RNF111: variants seen among roughly 807,000 people sequenced by gnomAD.
The protein encoded by RNF111 is ring finger protein 111.
Under a neutral mutation model 95.1 loss-of-function variants are expected in RNF111, and 17 were observed. The ratio of observed to expected loss-of-function variants is 0.18; its 90% CI spans 0.12 to 0.27. The LOEUF (loss-of-function observed/expected upper bound fraction) is 0.27. RNF111 is among the 10% of genes least tolerant of loss of function. RNF111 has a pLI of 1.00. For synonymous variants in RNF111, 440 were observed against 414.8 expected, an observed-to-expected ratio of 1.06 and a Z score of -0.74; for missense variants, 1,189 against 1,210.4, an observed-to-expected ratio of 0.98 and a Z score of 0.26.
chr15:59,044,800 T>G (rs1165766486), intron 2 of RNF111, among the ~76,000 whole-genome samples: 3 of 152,248 alleles, frequency 2.0e-5, no homozygotes, highest in African/African-American at 7.2e-5. Context: ...AGATTAACTT[T>G]ATAATTTTTG....
At chr15:59,054,770 G>C (rs149865879) in intron 3 of RNF111, among the ~76,000 whole-genome samples, 1 of 152,156 alleles carries the variant, frequency 6.6e-6, no homozygotes, top group African/African-American at 2.4e-5. Flanking sequence ...CTTCTTAGTG[G>C]TTAAGCACCC....
chr15:59,000,576 G>A (rs1272707241), intron 1 of RNF111, among the ~76,000 whole-genome samples: 1 of 151,992 alleles, frequency 6.6e-6, no homozygotes, highest in Non-Finnish European at 1.5e-5. Flanking sequence ...CAGGTATGGT[G>A]GCGGGCGCCT....
chr15:59,080,301 A>T (rs1379862944), intron 7 of RNF111, among the ~76,000 whole-genome samples: 2 of 151,728 alleles, frequency 1.3e-5, no homozygotes, highest in Non-Finnish European at 2.9e-5. Context: ...TTGTATTTTT[A>T]GTGGAGACGG....
chr15:59,026,504 C>T (rs2040618230), intron 1 of RNF111, among the ~76,000 whole-genome samples: 1 of 152,112 alleles, frequency 6.6e-6, no homozygotes, highest in Non-Finnish European at 1.5e-5. Flanking sequence ...GGAGATATAT[C>T]TTGTACGCAT....
At chr15:59,028,720 A>G (rs78935570) in intron 1 of RNF111, among the ~76,000 whole-genome samples, 22 of 150,008 alleles carry the variant, frequency 1.5e-4, no homozygotes, top group Non-Finnish European at 2.7e-4. Flanking sequence ...ATGTGTTTTC[A>G]TTTCTCTTGG....
In RNF111 at chr15:59,017,619, T is replaced by TA. The variant is rs2040128583; in HGVS notation, c.-19-13181dup. Reference sequence around the variant, plus strand: ...AAGTTCAGTTTTGGAAACAGGAAGTTAAAATAACAGAAATCTCTAAGAGTA... The same window carrying TA: ...AAGTTCAGTTTTGGAAACAGGAAGTTAAAAATAACAGAAATCTCTAAGAGTA... On this transcript the variant is annotated intron_variant, in intron 1 of 13. Transcript: ENST00000348370. Among the ~76,000 whole-genome samples, 8 of 152,202 alleles carry TA rather than the reference T, an allele frequency of 5.3e-5. No individual in the cohort carries two copies. In the South Asian group the frequency reaches 1.7e-3, roughly 31 times the overall value.
rs145414874 is a variant in RNF111 at position 59,083,935 on chromosome 15, A to G, written c.2298-194A>G. The stretch of plus-strand genomic sequence containing the variant: ...TGGAATAAATGAGCAATTAGAATTT[A>G]TGGAGAAGGTGATGGTTTCTTGATT... On this transcript the variant is annotated intron_variant, in intron 8 of 13. Transcript: ENST00000348370. 1,351 of 333,172 alleles carry G rather than the reference A, an allele frequency of 4.1e-3. 28 individuals are homozygous for G. Among genetic ancestry groups the G allele is most frequent in the East Asian group, 0.014 (246 of 17,210 alleles). 20.6% of individuals were successfully genotyped at this position (333,172 alleles called of 1,614,324 possible).
intron 6 of RNF111, among the ~76,000 whole-genome samples, chr15:59,070,721 C>T (rs1248063987): frequency 2.6e-5 from 4 of 152,282 alleles, no homozygotes; most frequent in African/African-American, 7.2e-5. Flanking sequence ...CATCACACCC[C>T]TTTCCTTTCA....
intron 12 of RNF111, among the ~76,000 whole-genome samples, chr15:59,091,830 A>G (rs985732957): frequency 5.9e-5 from 9 of 152,194 alleles, no homozygotes; most frequent in African/African-American, 1.9e-4. Context: ...ATTATCAGGC[A>G]TTAGTTAGAT....
At chr15:59,091,759 A>G (rs2079060509) in intron 12 of RNF111, among the ~76,000 whole-genome samples, 1 of 152,204 alleles carries the variant, frequency 6.6e-6, no homozygotes, top group Admixed American at 6.5e-5. Flanking sequence ...TTCATGGAAG[A>G]CAATTTTTCA....
chr15:59,092,415 A>T, intron 12 of RNF111, 122 bp from the exon 13 acceptor site: 1 of 1,038,840 alleles, frequency 9.6e-7, no homozygotes, highest in Non-Finnish European at 1.3e-6. Flanking sequence ...CTTACCTGGG[A>T]AAAAAGTGCG....
At chr15:59,024,621 C>CT (rs2040509765) in intron 1 of RNF111, among the ~76,000 whole-genome samples, 1 of 152,148 alleles carries the variant, frequency 6.6e-6, no homozygotes, top group African/African-American at 2.4e-5. Context: ...TTTTGAGTGA[C>CT]TTTACTAGCC....
In RNF111 at chr15:59,052,388, A is replaced by G. The variant is rs763738744; in HGVS notation, c.964A>G (p.Thr322Ala). 5.0e-6 allele frequency: 8 copies of G among 1,602,860 alleles called. No homozygotes were observed. Among genetic ancestry groups the G allele is most frequent in the East Asian group, 2.3e-5 (1 of 44,396 alleles). ...TANEEINVTS[T>A]DSEVEIVTVG... ...CAATGAAGAAATTAATGTTACCTCA[A>G]CTGACAGTGAAGTGGAGATTGTAAC... The change falls in exon 3 of 14, where the codon ACT (threonine) becomes GCT (alanine). Residue 322 changes from threonine (T) to alanine (A), a missense_variant. Thr to Ala is a moderately conservative substitution (Grantham distance 58). This residue lies in a region of RNF111 where 1,024 missense variants were observed against 925.9 expected (regional missense o/e 1.11). Transcript: ENST00000348370.
At chr15:59,036,554 GA>G (rs1596156715) in intron 2 of RNF111, among the ~76,000 whole-genome samples, 1 of 152,126 alleles carries the variant, frequency 6.6e-6, no homozygotes, top group East Asian at 1.9e-4. Flanking sequence ...ACTACCGTGA[GA>G]ACATGGTATG....
intron 1 of RNF111, chr15:59,004,322 C>A: frequency 4.9e-6 from 1 of 204,550 alleles, no homozygotes; most frequent in Non-Finnish European, 9.6e-6. Context: ...TTTACTGAAA[C>A]TAAAATTCTG....
intron 2 of RNF111, chr15:59,049,341 T>G (rs1444062449): frequency 6.5e-6 from 1 of 152,972 alleles, no homozygotes; most frequent in Non-Finnish European, 1.5e-5. Flanking sequence ...TTTTGTTTTA[T>G]TTATAGTCCA....
At chr15:58,995,764 C>CTTTTTTTT (rs34209382) in intron 1 of RNF111, among the ~76,000 whole-genome samples, 1 of 99,530 alleles carries the variant, frequency 1.0e-5, no homozygotes, top group East Asian at 3.0e-4. Context: ...GTGCCCCGGC[C>CTTTTTTTT]TTTTTTTTTT....
rs554638372 is a variant in RNF111, at chr15:59,046,994, A to G, written c.881-5311A>G. Among the ~76,000 whole-genome samples the G allele has an allele frequency of 2.0e-5, 3 of 151,952 alleles. No individual in the cohort carries two copies. In the South Asian group the frequency reaches 6.3e-4, roughly 32 times the overall value. On this transcript the variant is annotated intron_variant, in intron 2 of 13. Transcript: ENST00000348370. ...GTGATCCTACCACCTCAGCCTCCGG[A>G]GTAGCTTTTGTTGAGACGAGGTTTT...
intron 1 of RNF111, among the ~76,000 whole-genome samples, chr15:58,998,640 T>A (rs1183078306): frequency 3.3e-5 from 5 of 152,204 alleles, no homozygotes; most frequent in African/African-American, 1.2e-4. Context: ...TTGTACATAT[T>A]TTCTCAAAAA....
Sources: gnomAD v4.1 joint callset for allele counts (sites outside exome capture counted in the v4.1 genomes callset) on GRCh38, gnomAD v4.1.1 for gene constraint, gnomAD v4.1.1 regional missense constraint, MANE v1.5 for transcripts, NCBI Gene and HGNC (gene_info 2026-07-23, HGNC 2026-07-21) for gene names.